Variants in VWDE observed in about 807,000 individuals in gnomAD.
VWDE encodes von Willebrand factor D and EGF domains.
In VWDE, 207 loss-of-function variants were observed where a neutral mutation model predicts 178.4. That is an observed-to-expected ratio of 1.16 (90% CI 1.04 to 1.30). The LOEUF is 1.30. Among genes scored for constraint, VWDE ranks in the 50% most tolerant of loss-of-function variants. The probability of loss-of-function intolerance (pLI) is 0.00; values close to 1 mark genes in which losing one functional copy is unlikely to be tolerated. For synonymous variants in VWDE, 738 were observed against 651.4 expected (o/e 1.13, Z -2.02); for missense variants, 2,287 against 1,901.3 (o/e 1.20, Z -3.77).
chr7:12,345,958 T>C (rs1035440288), intron 19 of VWDE, among the ~76,000 whole-genome samples: 6 of 152,276 alleles, frequency 3.9e-5, no homozygotes, highest in Non-Finnish European at 8.8e-5. Flanking sequence ...TGAAAATTTA[T>C]AGCTACACAA....
intron 1 of VWDE, among the ~76,000 whole-genome samples, chr7:12,402,024 A>G (rs1456594453): frequency 6.6e-6 from 1 of 152,212 alleles, no homozygotes; most frequent in African/African-American, 2.4e-5. Context: ...ACTGTGCTAG[A>G]TGAAGTAAGC....
chr7:12,352,862 T>G (rs1161177029), intron 18 of VWDE, among the ~76,000 whole-genome samples: 1 of 152,200 alleles, frequency 6.6e-6, no homozygotes, highest in Non-Finnish European at 1.5e-5. Context: ...TTTAATCTTT[T>G]AAAATGTTGA....
chr7:12,340,383 C>G lies in VWDE; in HGVS notation c.4305G>C (p.Ser1435=), dbSNP rs756542750. 6.4e-7 allele frequency: 1 copy of G among 1,551,312 alleles called. No homozygotes were observed. Among genetic ancestry groups the G allele is most frequent in the Non-Finnish European group, 8.7e-7 (1 of 1,146,850 alleles). The change falls in exon 24 of 29, where the codon TCG becomes TCC. Residue 1435 remains serine, a synonymous_variant. Coordinates refer to ENST00000275358, the MANE Select transcript of VWDE (RefSeq NM_001135924.3). ...AGAGGCAAGTATTTGGCTTATTACA[C>G]GAACCACCATTGAGGCAGACAGGGT... ...LCDPVCLNGG[S]CNKPNTCLCP... is the part of the protein sequence containing the mutation.
chr7:12,361,812 G>A (rs1016394430), intron 13 of VWDE, among the ~76,000 whole-genome samples: 1 of 151,928 alleles, frequency 6.6e-6, no homozygotes, highest in Non-Finnish European at 1.5e-5. Context: ...AACGACTTTT[G>A]TAGCAAAACA....
intron 1 of VWDE, among the ~76,000 whole-genome samples, chr7:12,395,183 A>G (rs929955355): frequency 6.6e-6 from 1 of 152,178 alleles, no homozygotes; most frequent in Non-Finnish European, 1.5e-5. Flanking sequence ...TCCGATGTCA[A>G]CACAAAGTAA....
At chr7:12,399,385 T>C (rs1784791227) in intron 1 of VWDE, among the ~76,000 whole-genome samples, 2 of 152,234 alleles carry the variant, frequency 1.3e-5, no homozygotes, top group African/African-American at 4.8e-5. Flanking sequence ...GATAAAGCAA[T>C]TGTAAACATA....
chr7:12,336,980 C>A lies in VWDE; in HGVS notation c.4558+8G>T. The A allele has an allele frequency of 6.5e-7, 1 of 1,544,456 alleles. No individual in the cohort carries two copies. The highest frequency in any genetic ancestry group is 1.4e-5 in the African/African-American group (1 of 72,926). ...AAAGCTTCAGTGTTTTAAGAGTATT[C>A]CTCTTACGTGTGTTGCATCGTTTCC... is the stretch of plus-strand genomic sequence containing the variant. On this transcript the variant is annotated splice_region_variant and intron_variant, in intron 26 of 28. Transcript: ENST00000275358.
rs771147958 is a variant in VWDE, at chr7:12,344,277, A to G, written c.3996T>C (p.Pro1332=). The change falls in exon 21 of 29, where the codon CCT becomes CCC. Residue 1332 remains proline, a synonymous_variant. Coordinates refer to ENST00000275358, the MANE Select transcript of VWDE (RefSeq NM_001135924.3). ...GSNCQTALCD[P]DCKNHGKCIK... is the part of the protein sequence containing the mutation. ...TACATTTTCCATGGTTTTTGCAATCAGGGTCACAAAGAGCTGTATAAAATA... is the reference window on the plus strand; with the variant it reads ...TACATTTTCCATGGTTTTTGCAATCGGGGTCACAAAGAGCTGTATAAAATA... 4.1e-5 allele frequency: 64 copies of G among 1,551,156 alleles called. No homozygotes were observed. The highest frequency in any genetic ancestry group is 5.2e-5 in the Non-Finnish European group (60 of 1,146,602).
At chr7:12,336,365 C>T (rs1028193044) in intron 26 of VWDE, 129 bp from the exon 27 acceptor site, 15 of 738,274 alleles carry the variant, frequency 2.0e-5, no homozygotes, top group African/African-American at 3.6e-5. Flanking sequence ...AAATTTTTCC[C>T]TAATATTTTA....
At chr7:12,367,324 C>A in intron 13 of VWDE, 33 bp downstream of exon 13, 3 of 1,496,714 alleles carry the variant, frequency 2.0e-6, no homozygotes, top group Non-Finnish European at 2.7e-6. Context: ...ATCTCATACA[C>A]TCTATTGTTT....
At chr7:12,357,957 C>G (rs889822409) in intron 16 of VWDE, among the ~76,000 whole-genome samples, 57 of 152,264 alleles carry the variant, frequency 3.7e-4, no homozygotes, top group African/African-American at 1.2e-3. Flanking sequence ...TGCTCCGTTT[C>G]TTTGGCTCCT....
At chr7:12,340,697 T>C (rs940448646) in intron 23 of VWDE, among the ~76,000 whole-genome samples, 4 of 152,180 alleles carry the variant, frequency 2.6e-5, no homozygotes, top group Admixed American at 2.6e-4. Context: ...AAGATGACGG[T>C]GCTCCTGCTC....
intron 19 of VWDE, among the ~76,000 whole-genome samples, chr7:12,347,778 C>T (rs1298074961): frequency 3.3e-5 from 5 of 151,862 alleles, no homozygotes; most frequent in Non-Finnish European, 5.9e-5. Flanking sequence ...CAATCCTAAG[C>T]CAAAAGAACA....
At chr7:12,378,507 C>T (rs1043972272) in intron 6 of VWDE, among the ~76,000 whole-genome samples, 1 of 152,104 alleles carries the variant, frequency 6.6e-6, no homozygotes, top group Non-Finnish European at 1.5e-5. Flanking sequence ...AGGAATGTTT[C>T]CATGCAGTCT....
chr7:12,391,826 C>A (rs1008976314), intron 2 of VWDE, among the ~76,000 whole-genome samples: 9 of 152,082 alleles, frequency 5.9e-5, no homozygotes, highest in African/African-American at 1.7e-4. Context: ...GGAAAACAAG[C>A]CTTTTGCTAA....
At chr7:12,372,896 G>A in intron 10 of VWDE, 81 bp downstream of exon 10, 1 of 1,331,732 alleles carries the variant, frequency 7.5e-7, no homozygotes. Context: ...GTTGAAAAAT[G>A]ATAGCTCCTA....
chr7:12,374,917 A>C, intron 8 of VWDE, 93 bp downstream of exon 8: 3 of 1,312,130 alleles, frequency 2.3e-6, no homozygotes, highest in Non-Finnish European at 3.1e-6. Flanking sequence ...TTACCAAAAA[A>C]TTTTTTACAT....
chr7:12,367,457 C>G lies in VWDE; in HGVS notation c.2798G>C (p.Gly933Ala). ...APEITELGNAGFCDVQKYNCM... is the reference protein window; with the variant it reads ...APEITELGNAAFCDVQKYNCM... ...ATTATATTTTTGAACATCACAGAAT[C>G]CAGCATTCCCAAGCTCTGTAATTTC... Residue 933 changes from glycine (G) to alanine (A), a missense_variant, in exon 13 of 29, where the codon GGA (glycine) becomes GCA (alanine). Physicochemically the swap from Gly to Ala is moderately conservative, Grantham distance 60. Coordinates refer to ENST00000275358, the MANE Select transcript of VWDE (RefSeq NM_001135924.3). The G allele has an allele frequency of 3.9e-6, 6 of 1,541,014 alleles. No homozygotes were observed. Among genetic ancestry groups the G allele is most frequent in the Non-Finnish European group, 4.4e-6 (5 of 1,141,620 alleles).
Position 12,359,505 on chromosome 7 carries a change from G to A in VWDE, c.3274+73C>T, listed in dbSNP as rs115535481. The A allele has an allele frequency of 3.0e-3, 2,995 of 1,007,828 alleles. 61 individuals carry two copies. In the African/African-American group the frequency reaches 0.043, roughly 15 times the overall value. The allele number at this position is 1,007,828 out of a possible 1,614,324, so 62.4% of individuals were successfully genotyped here. A position where few individuals can be genotyped will look rare whatever the true frequency, so the allele number is the denominator to read the frequency against. ...GGTCATTCATCTTAAACACATTTACGTAACTTCTGGCTGAAAACCACTTTT... is the reference window on the plus strand; with the variant it reads ...GGTCATTCATCTTAAACACATTTACATAACTTCTGGCTGAAAACCACTTTT... On this transcript the variant is annotated intron_variant, in intron 16 of 28. Coordinates refer to ENST00000275358, the MANE Select transcript of VWDE (RefSeq NM_001135924.3).
Sources: gnomAD v4.1 joint callset for allele counts (sites outside exome capture counted in the v4.1 genomes callset) on GRCh38, gnomAD v4.1.1 for gene constraint, MANE v1.5 for transcripts, NCBI Gene and HGNC (gene_info 2026-07-23, HGNC 2026-07-21) for gene names.